The following C12orf54 variants were observed in gnomAD, a reference collection of about 807,000 sequenced individuals.
C12orf54 encodes the protein chromosome 12 open reading frame 54.
C12orf54 carries 24 observed loss-of-function variants against 26.4 expected under a neutral mutation model. The ratio of observed to expected loss-of-function variants is 0.91; its 90% CI spans 0.66 to 1.28. C12orf54 has a LOEUF of 1.28. Ranked by LOEUF, C12orf54 falls within the 50% of genes most tolerant of loss-of-function variation. The pLI is 0.00. For missense variants in C12orf54, 154 were observed against 150.9 expected (o/e 1.02, Z -0.11); for synonymous variants, 54 against 47.0 (o/e 1.15, Z -0.61).
the C12orf54 span, among the ~76,000 whole-genome samples, chr12:48,464,680 C>G: frequency 6.6e-6 from 1 of 152,068 alleles, no homozygotes; most frequent in African/African-American, 2.4e-5. Context: ...TACTACAGGA[C>G]TATAGTAACC....
upstream of C12orf54, among the ~76,000 whole-genome samples, chr12:48,478,323 T>C (rs1229021787): frequency 6.6e-6 from 1 of 152,190 alleles, no homozygotes; most frequent in Admixed American, 6.5e-5. Context: ...AAGCATTCCC[T>C]TTGAAAACAG....
intron 4 of C12orf54, chr12:48,487,801 T>C: frequency 2.2e-6 from 1 of 456,612 alleles, no homozygotes; most frequent in Non-Finnish European, 3.9e-6. Context: ...TACAACCATC[T>C]TAAAGTTCTC....
the C12orf54 span, among the ~76,000 whole-genome samples, chr12:48,444,111 C>G: frequency 1.3e-5 from 2 of 152,214 alleles, no homozygotes; most frequent in African/African-American, 2.4e-5. Context: ...GGATATAGAT[C>G]TCTTCCTTGA....
At chr12:48,473,928 C>T in the C12orf54 span, among the ~76,000 whole-genome samples, 1 of 152,200 alleles carries the variant, frequency 6.6e-6, no homozygotes, top group Non-Finnish European at 1.5e-5. Context: ...TGTATTTTGG[C>T]ACTGGTTTGG....
chr12:48,428,190 C>T, the C12orf54 span, among the ~76,000 whole-genome samples: 1 of 151,928 alleles, frequency 6.6e-6, no homozygotes, highest in Non-Finnish European at 1.5e-5. Context: ...GAGGAAAGTT[C>T]ATAGCCCTAA....
At chr12:48,436,135 A>G in the C12orf54 span, among the ~76,000 whole-genome samples, 26 of 152,206 alleles carry the variant, frequency 1.7e-4, no homozygotes, top group African/African-American at 6.3e-4. Flanking sequence ...CAGACTTTAA[A>G]CCAACAAAGA....
the C12orf54 span, among the ~76,000 whole-genome samples, chr12:48,426,821 G>A: frequency 1.3e-5 from 2 of 151,954 alleles, no homozygotes; most frequent in Non-Finnish European, 2.9e-5. Flanking sequence ...TATATTCCTA[G>A]GTATTTTGTT....
the C12orf54 span, among the ~76,000 whole-genome samples, chr12:48,462,265 T>C: frequency 1.3e-5 from 2 of 151,622 alleles, no homozygotes; most frequent in East Asian, 1.9e-4. Flanking sequence ...TTAAAACCTT[T>C]CTATAAAGAA....
At chr12:48,458,988 T>A in the C12orf54 span, among the ~76,000 whole-genome samples, 4 of 74,406 alleles carry the variant, frequency 5.4e-5, no homozygotes, top group African/African-American at 2.0e-4. Flanking sequence ...ACCCATCAGC[T>A]CCTTTTTTGA....
the C12orf54 span, among the ~76,000 whole-genome samples, chr12:48,471,702 G>T: frequency 1.3e-5 from 2 of 152,108 alleles, no homozygotes; most frequent in Non-Finnish European, 2.9e-5. Context: ...ATTTGTCTAT[G>T]TGTCTGTTTT....
At chr12:48,435,305 G>A in the C12orf54 span, among the ~76,000 whole-genome samples, 1 of 152,212 alleles carries the variant, frequency 6.6e-6, no homozygotes, top group African/African-American at 2.4e-5. Context: ...TGAAACTGAT[G>A]GGGAGAATGG....
chr12:48,486,198 T>A lies in C12orf54; in HGVS notation c.86T>A (p.Met29Lys), dbSNP rs1432436167. 6.2e-7 allele frequency: 1 copy of A among 1,610,310 alleles called. No homozygotes were observed. The highest frequency in any genetic ancestry group is 8.5e-7 in the Non-Finnish European group (1 of 1,176,706). ...QQRSTSIEET[M>K]RPQEKQVTIT... ...TGCAGCACATCCATAGAAGAGACAATGAGACCACAGGTGGGTAAGGTATCC... is the reference window on the plus strand; with the variant it reads ...TGCAGCACATCCATAGAAGAGACAAAGAGACCACAGGTGGGTAAGGTATCC... The change falls in exon 3 of 9, where the codon ATG becomes AAG. Residue 29 changes from methionine (M) to lysine (K), a missense_variant. Coordinates refer to ENST00000548364, the MANE Select transcript of C12orf54 (RefSeq NM_152319.4).
the C12orf54 span, among the ~76,000 whole-genome samples, chr12:48,426,166 A>G: frequency 3.6e-4 from 55 of 152,036 alleles, no homozygotes; most frequent in African/African-American, 1.3e-3. Context: ...GCCACTTCCT[A>G]TGTCCAGAAT....
At chr12:48,421,165 T>A in the C12orf54 span, among the ~76,000 whole-genome samples, 1 of 152,174 alleles carries the variant, frequency 6.6e-6, no homozygotes, top group Non-Finnish European at 1.5e-5. Context: ...TTTAAAAAGA[T>A]GTTTAATTGG....
At chr12:48,413,518 G>C in the C12orf54 span, among the ~76,000 whole-genome samples, 5 of 152,216 alleles carry the variant, frequency 3.3e-5, no homozygotes, top group Admixed American at 3.3e-4. Flanking sequence ...GAAGGCAAAA[G>C]AAAAGCTTTT....
chr12:48,415,925 GT>G, the C12orf54 span, among the ~76,000 whole-genome samples: 1 of 152,054 alleles, frequency 6.6e-6, no homozygotes, highest in East Asian at 1.9e-4. Context: ...TAATGTGCAT[GT>G]CCCCGATTAT....
chr12:48,439,102 C>T, the C12orf54 span, among the ~76,000 whole-genome samples: 1 of 151,804 alleles, frequency 6.6e-6, no homozygotes, highest in Admixed American at 6.6e-5. Flanking sequence ...CAAACAGACA[C>T]TTCTCAAAAG....
the C12orf54 span, among the ~76,000 whole-genome samples, chr12:48,415,303 T>A: frequency 6.6e-6 from 1 of 152,222 alleles, no homozygotes; most frequent in Non-Finnish European, 1.5e-5. Context: ...TCAATCTCCT[T>A]CACAGGAACA....
chr12:48,477,024 A>G, the C12orf54 span, among the ~76,000 whole-genome samples: 1 of 152,254 alleles, frequency 6.6e-6, no homozygotes, highest in Non-Finnish European at 1.5e-5. Context: ...AATGTAAAAG[A>G]ACAGAAATAA....
Sources: gnomAD v4.1 joint callset for allele counts (sites outside exome capture counted in the v4.1 genomes callset) on GRCh38, gnomAD v4.1.1 for gene constraint, MANE v1.5 for transcripts, NCBI Gene and HGNC (gene_info 2026-07-23, HGNC 2026-07-21) for gene names.